Variants in CNTNAP5 observed in about 807,000 individuals in gnomAD.
CNTNAP5 encodes contactin associated protein family member 5, also known as contactin-associated protein-like 5.
A neutral mutation model predicts 150.2 loss-of-function variants in CNTNAP5; 72 were observed. That is an observed-to-expected ratio of 0.48 (90% CI 0.40 to 0.58). CNTNAP5 has a LOEUF of 0.58. Among genes scored for constraint, CNTNAP5 ranks in the 20% least tolerant of loss-of-function variants. CNTNAP5 has a pLI of 0.00. For missense variants in CNTNAP5, 1,636 were observed against 1,626.2 expected (o/e 1.01, Z -0.10); for synonymous variants, 672 against 619.8 (o/e 1.08, Z -1.25).
intron 1 of CNTNAP5, among the ~76,000 whole-genome samples, chr2:124,220,003 A>C (rs1558806697): frequency 6.6e-6 from 1 of 152,132 alleles, no homozygotes; most frequent in Non-Finnish European, 1.5e-5. Flanking sequence ...AAAACTCAAA[A>C]TACACTTTGC....
intron 1 of CNTNAP5, among the ~76,000 whole-genome samples, chr2:124,080,078 G>A (rs4588195): frequency 0.28 from 42,589 of 152,038 alleles, 6,383 homozygotes; most frequent in Admixed American, 0.36. Flanking sequence ...TGTTTAATAT[G>A]GAACAAGGGA....
At chr2:124,464,017 C>T (rs921131788) in intron 6 of CNTNAP5, among the ~76,000 whole-genome samples, 2 of 152,108 alleles carry the variant, frequency 1.3e-5, no homozygotes, top group Non-Finnish European at 2.9e-5. Context: ...CAGCTCTAAG[C>T]ATGGTGCCCG....
At chr2:124,314,738 T>C (rs2104661597) in intron 3 of CNTNAP5, among the ~76,000 whole-genome samples, 1 of 152,318 alleles carries the variant, frequency 6.6e-6, no homozygotes, top group East Asian at 1.9e-4. Context: ...CCTATGTATG[T>C]ATTTATCCAA....
chr2:124,631,232 T>C (rs1437657521), intron 12 of CNTNAP5, among the ~76,000 whole-genome samples: 1 of 152,060 alleles, frequency 6.6e-6, no homozygotes, highest in Admixed American at 6.6e-5. Context: ...TATTTTAAAT[T>C]CATATGGAAC....
chr2:124,235,065 A>G (rs1686715938), intron 2 of CNTNAP5, among the ~76,000 whole-genome samples: 1 of 152,158 alleles, frequency 6.6e-6, no homozygotes, highest in South Asian at 2.1e-4. Context: ...GACAGAGGGG[A>G]AAGCTAGCAA....
chr2:124,749,377 CCCTTCCTT>C (rs201144835), intron 14 of CNTNAP5, among the ~76,000 whole-genome samples: 17 of 147,556 alleles, frequency 1.2e-4, no homozygotes, highest in African/African-American at 1.8e-4. Context: ...TTCCCTCTCT[CCCTTCCTT>C]CCTTCCTTCC....
chr2:124,527,223 G>A, intron 9 of CNTNAP5, 62 bp from the exon 10 acceptor site: 2 of 1,469,406 alleles, frequency 1.4e-6, no homozygotes, highest in Non-Finnish European at 1.9e-6. Context: ...CCATCAATAG[G>A]TCGCCAAAGC....
chr2:124,527,593 A>G (rs1291529338), intron 10 of CNTNAP5, 137 bp downstream of exon 10: 3 of 614,440 alleles, frequency 4.9e-6, no homozygotes, highest in Non-Finnish European at 7.7e-6. Context: ...AATGGAAAAT[A>G]TTTCTGAAAG....
intron 17 of CNTNAP5, among the ~76,000 whole-genome samples, chr2:124,786,340 A>G (rs1353195973): frequency 6.0e-5 from 7 of 116,954 alleles, no homozygotes; most frequent in African/African-American, 1.5e-4. Context: ...AAAGAGAAAG[A>G]AAGAAAGAAA....
At position 124,450,229 on chromosome 2, in the gene CNTNAP5, A is replaced by G. The variant is rs567027097; in HGVS notation, c.918+3292A>G. Among the ~76,000 whole-genome samples the G allele has an allele frequency of 2.4e-3, 369 of 150,802 alleles. 3 individuals are homozygous for G. Among genetic ancestry groups the G allele is most frequent in the African/African-American group, 8.0e-3 (325 of 40,838 alleles). ...TGTACTACTCTGATATATACTTCTG[A>G]TATATATATATACTCTGATATATAC... On this transcript the variant is annotated intron_variant, in intron 6 of 23. Transcript: ENST00000682447.
chr2:124,568,365 A>G (rs575538521), intron 11 of CNTNAP5, among the ~76,000 whole-genome samples: 37 of 152,340 alleles, frequency 2.4e-4, no homozygotes, highest in African/African-American at 8.7e-4. Context: ...GGGCTAAGAC[A>G]TGATAGTAGA....
intron 8 of CNTNAP5, among the ~76,000 whole-genome samples, chr2:124,508,534 G>A (rs561109255): frequency 1.3e-5 from 2 of 152,316 alleles, no homozygotes; most frequent in East Asian, 3.9e-4. Context: ...GGTGCTGTCT[G>A]TATTGTTAAG....
At position 124,305,477 on chromosome 2, in the gene CNTNAP5, A is replaced by G. The variant is rs769893492; in HGVS notation, c.381+63084A>G. Among the ~76,000 whole-genome samples the G allele has an allele frequency of 5.1e-4, 77 of 152,316 alleles. No individual in the cohort carries two copies. The Middle Eastern group carries it at 0.014, about 27-fold the overall frequency. ...GAAAGTTGAAAGCAAGACCCTAAAA[A>G]CTATTTTGCTTAGTTATGTCATTTT... On this transcript the variant is annotated intron_variant, in intron 3 of 23. Coordinates refer to ENST00000682447, the MANE Select transcript of CNTNAP5 (RefSeq NM_001367498.1).
chr2:124,562,671 A>G (rs1695920261), intron 10 of CNTNAP5, among the ~76,000 whole-genome samples: 1 of 152,208 alleles, frequency 6.6e-6, no homozygotes, highest in African/African-American at 2.4e-5. Flanking sequence ...TTTTAAGGAT[A>G]GCATTTACAC....
At chr2:124,742,637 C>T (rs1276416008) in intron 13 of CNTNAP5, among the ~76,000 whole-genome samples, 2 of 148,272 alleles carry the variant, frequency 1.3e-5, no homozygotes, top group Non-Finnish European at 3.0e-5. Context: ...CACACACACA[C>T]ACACACACAC....
Position 124,505,836 on chromosome 2 carries a change from TGAA to T in CNTNAP5, c.1327+1285_1327+1287del, listed in dbSNP as rs1479225985. On this transcript the variant is annotated intron_variant, in intron 8 of 23. Coordinates refer to ENST00000682447, the MANE Select transcript of CNTNAP5 (RefSeq NM_001367498.1). ...GATTGGTCTGCAGCATGCTGATCGA[TGAA>T]GAAGTTCTTTCAGAAGTCTCCCTGA... Among the ~76,000 whole-genome samples the T allele has an allele frequency of 6.6e-5, 10 of 152,326 alleles. No homozygotes were observed. The South Asian group carries it at 1.9e-3, about 28-fold the overall frequency.
At chr2:124,612,210 G>C (rs2104986914) in intron 12 of CNTNAP5, among the ~76,000 whole-genome samples, 1 of 152,226 alleles carries the variant, frequency 6.6e-6, no homozygotes, top group Non-Finnish European at 1.5e-5. Context: ...TCCAGAGATT[G>C]CCATTGTTAT....
intron 12 of CNTNAP5, among the ~76,000 whole-genome samples, chr2:124,610,915 C>A (rs892252146): frequency 2.7e-5 from 4 of 149,514 alleles, no homozygotes; most frequent in African/African-American, 9.9e-5. Flanking sequence ...CGAGATCGTG[C>A]CACTGCACTC....
intron 21 of CNTNAP5, among the ~76,000 whole-genome samples, chr2:124,897,970 TG>T (rs1261153040): frequency 6.6e-6 from 1 of 150,376 alleles, no homozygotes; most frequent in African/African-American, 2.5e-5. Flanking sequence ...TGTGTGTGTG[TG>T]TGTGTGTATG....
Sources: allele counts gnomAD v4.1 joint callset (sites outside exome capture counted in the v4.1 genomes callset), GRCh38; gene constraint gnomAD v4.1.1; transcripts MANE v1.5; gene names NCBI Gene and HGNC (gene_info 2026-07-23, HGNC 2026-07-21).